Variants in KLHL25 observed in about 807,000 individuals in gnomAD.
KLHL25 encodes kelch-like protein 25.
Under a neutral mutation model 30.0 loss-of-function variants are expected in KLHL25, and 41 were observed. The observed-to-expected ratio is 1.37, with a 90% confidence interval of 1.07 to 1.78. The LOEUF is 1.78. Ranked by LOEUF, KLHL25 falls within the 40% of genes most tolerant of loss-of-function variation. KLHL25 has a pLI of 0.00. For synonymous variants in KLHL25, 399 were observed against 355.3 expected (o/e 1.12, Z -1.38); for missense variants, 971 against 824.5 (o/e 1.18, Z -2.18).
intron 1 of KLHL25, among the ~76,000 whole-genome samples, chr15:85,781,773 C>A (rs1381842702): frequency 6.6e-6 from 1 of 152,112 alleles, no homozygotes; most frequent in African/African-American, 2.4e-5. Flanking sequence ...TGTGAGCCAC[C>A]GCGCCTGGCC....
At chr15:85,785,467 A>G (rs1184882486) in intron 1 of KLHL25, among the ~76,000 whole-genome samples, 2 of 152,136 alleles carry the variant, frequency 1.3e-5, no homozygotes, top group Non-Finnish European at 2.9e-5. Context: ...CATTTAACAA[A>G]GTTTCAACCT....
Position 85,768,912 on chromosome 15 carries a change from A to T in KLHL25, c.899T>A (p.Leu300Gln). 1 of 1,613,358 alleles carries T rather than the reference A, an allele frequency of 6.2e-7. No homozygotes were observed. The highest frequency in any genetic ancestry group is 8.5e-7 in the Non-Finnish European group (1 of 1,180,046). ...PRKAGHTLLI[L>Q]GGQTFMCDKI... ...GTCACACATGAAGGTCTGGCCCCCC[A>T]GGATGAGTAGCGTGTGGCCCGCCTT... The change falls in exon 2 of 3, where the codon CTG becomes CAG. Residue 300 changes from leucine (L) to glutamine (Q), a missense_variant. Coordinates refer to ENST00000337975, the MANE Select transcript of KLHL25 (RefSeq NM_022480.4).
At chr15:85,772,870 G>A (rs1014232754) in intron 1 of KLHL25, among the ~76,000 whole-genome samples, 5 of 152,220 alleles carry the variant, frequency 3.3e-5, no homozygotes, top group African/African-American at 1.2e-4. Flanking sequence ...TCATGTACAC[G>A]CCCAGGCAGG....
At chr15:85,787,113 AC>A (rs897814337) in intron 1 of KLHL25, among the ~76,000 whole-genome samples, 14 of 55,554 alleles carry the variant, frequency 2.5e-4, no homozygotes, top group African/African-American at 9.6e-4. Context: ...CCGCCCCCCC[AC>A]CCCATCACAT....
intron 2 of KLHL25, 74 bp downstream of exon 2, chr15:85,767,943 G>C: frequency 3.1e-6 from 3 of 973,640 alleles, no homozygotes; most frequent in Non-Finnish European, 3.0e-6. Flanking sequence ...CCTTCACCCA[G>C]TGGGAAGAGG....
rs1209217709 is a variant in KLHL25 at position 85,769,397 on chromosome 15, C to T, written c.414G>A (p.Glu138=). 6.2e-7 allele frequency: 1 copy of T among 1,614,176 alleles called. No individual in the cohort carries two copies. The highest frequency in any genetic ancestry group is 1.7e-5 in the Admixed American group (1 of 60,028). ...AGGGGAAAAGGTTCTTCTCCAGGAA[C>T]TCGGCGGCAGCATCCCGCACATCGT... The part of the protein sequence containing the change: ...QFHDVRDAAA[E]FLEKNLFPSN... The change falls in exon 2 of 3, where the codon GAG becomes GAA. Residue 138 remains glutamate, a synonymous_variant. Coordinates refer to ENST00000337975, the MANE Select transcript of KLHL25 (RefSeq NM_022480.4).
rs372556945 is a variant in KLHL25, at chr15:85,769,403, G to A, written c.408C>T (p.Ala136=). The A allele has an allele frequency of 3.5e-5, 56 of 1,613,994 alleles. No individual in the cohort carries two copies. The highest frequency in any genetic ancestry group is 1.6e-4 in the Middle Eastern group (1 of 6,084). Residue 136 remains alanine (A), a synonymous_variant, in exon 2 of 3, where the codon GCC becomes GCT. Coordinates refer to ENST00000337975, the MANE Select transcript of KLHL25 (RefSeq NM_022480.4). ...MLQFHDVRDA[A]AEFLEKNLFP... ...AAAGGTTCTTCTCCAGGAACTCGGC[G>A]GCAGCATCCCGCACATCGTGGAACT...
intron 1 of KLHL25, among the ~76,000 whole-genome samples, chr15:85,782,615 C>T (rs972644314): frequency 8.6e-5 from 13 of 151,882 alleles, no homozygotes; most frequent in African/African-American, 2.9e-4. Context: ...TTACATTTGT[C>T]GGGTATGTGG....
chr15:85,767,020 T>C (rs2089629832), intron 2 of KLHL25, among the ~76,000 whole-genome samples: 2 of 140,712 alleles, frequency 1.4e-5, no homozygotes, highest in South Asian at 4.5e-4. Flanking sequence ...TGAGACGGAG[T>C]CTCACTGTTG....
At chr15:85,774,674 G>C (rs982272842) in intron 1 of KLHL25, among the ~76,000 whole-genome samples, 2 of 152,046 alleles carry the variant, frequency 1.3e-5, no homozygotes, top group African/African-American at 4.8e-5. Context: ...CCAAGAGTTA[G>C]CAAGGCTCAA....
intron 2 of KLHL25, among the ~76,000 whole-genome samples, chr15:85,764,832 A>G (rs1046402319): frequency 6.6e-6 from 1 of 152,250 alleles, no homozygotes; most frequent in African/African-American, 2.4e-5. Context: ...TTCTAGTGCT[A>G]TGAGTAATAC....
intron 1 of KLHL25, among the ~76,000 whole-genome samples, chr15:85,782,191 G>A (rs1251331097): frequency 1.3e-5 from 2 of 152,130 alleles, no homozygotes; most frequent in African/African-American, 4.8e-5. Flanking sequence ...TTTATTTATA[G>A]CAAAAACATG....
Position 85,784,547 on chromosome 15 carries a change from T to TAAA in KLHL25, c.-11+10216_-11+10218dup, listed in dbSNP as rs58604665. ...CTCCATCTCAAAAAAAATAAAAAAA[T>TAAA]AAAAAAAAAAGCAGAGTTTTCTCCA... On this transcript the variant is annotated intron_variant, in intron 1 of 2. Coordinates refer to ENST00000337975, the MANE Select transcript of KLHL25 (RefSeq NM_022480.4). 3.6e-4 allele frequency among the ~76,000 whole-genome samples: 51 copies of TAAA among 141,582 alleles called. 2 individuals carry two copies. Among genetic ancestry groups the TAAA allele is most frequent in the Non-Finnish European group, 2.9e-4 (18 of 62,986 alleles). 92.9% of individuals were successfully genotyped at this position (141,582 alleles called of 152,430 possible).
chr15:85,763,497 G>C (rs1439415110), intron 2 of KLHL25: 1 of 152,332 alleles, frequency 6.6e-6, no homozygotes. Context: ...AACAGCTCTG[G>C]AGAATGACAG....
chr15:85,781,061 G>A (rs575062130), intron 1 of KLHL25, among the ~76,000 whole-genome samples: 2 of 152,366 alleles, frequency 1.3e-5, no homozygotes, highest in African/African-American at 4.8e-5. Flanking sequence ...GCCGGGCGCA[G>A]TGGCTCATGC....
intron 1 of KLHL25, among the ~76,000 whole-genome samples, chr15:85,785,448 T>C (rs1410691538): frequency 2.6e-5 from 4 of 152,166 alleles, no homozygotes; most frequent in Non-Finnish European, 4.4e-5. Context: ...TAGAGCAGGT[T>C]CTCAATTTCA....
intron 1 of KLHL25, among the ~76,000 whole-genome samples, chr15:85,784,547 TAAAAAAA>T (rs58604665): frequency 7.1e-6 from 1 of 141,476 alleles, no homozygotes; most frequent in South Asian, 2.2e-4. Context: ...AATAAAAAAA[TAAAAAAA>T]AAAGCAGAGT....
intron 1 of KLHL25, among the ~76,000 whole-genome samples, chr15:85,787,785 C>T (rs1415001423): frequency 3.3e-5 from 5 of 152,114 alleles, no homozygotes; most frequent in Non-Finnish European, 1.5e-5. Context: ...ATTATGTAAA[C>T]ACAAAATCTG....
At chr15:85,787,583 A>G (rs2089788581) in intron 1 of KLHL25, among the ~76,000 whole-genome samples, 1 of 152,220 alleles carries the variant, frequency 6.6e-6, no homozygotes, top group South Asian at 2.1e-4. Flanking sequence ...TTGCTCAGAA[A>G]GATGCATGAT....
Sources: gnomAD v4.1 joint callset for allele counts (sites outside exome capture counted in the v4.1 genomes callset) on GRCh38, gnomAD v4.1.1 for gene constraint, MANE v1.5 for transcripts, NCBI Gene and HGNC (gene_info 2026-07-23, HGNC 2026-07-21) for gene names.